The following EIPR1 variants were observed in gnomAD, a reference collection of about 807,000 sequenced individuals.
EIPR1 encodes the protein EARP and GARP complex-interacting protein 1.
A neutral mutation model predicts 48.1 loss-of-function variants in EIPR1; 25 were observed. That is an observed-to-expected ratio of 0.52 (90% confidence interval 0.38 to 0.73). EIPR1 has a LOEUF of 0.73. EIPR1 is among the 30% of genes least tolerant of loss of function. The probability of loss-of-function intolerance (pLI) is 0.00; values close to 1 mark genes in which losing one functional copy is unlikely to be tolerated. For missense variants in EIPR1, 415 were observed against 506.2 expected (o/e 0.82, Z 1.73); for synonymous variants, 204 against 201.9 (o/e 1.01, Z -0.09).
intron 8 of EIPR1, among the ~76,000 whole-genome samples, chr2:3,190,212 G>C (rs1331561869): frequency 6.6e-6 from 1 of 152,230 alleles, no homozygotes; most frequent in Non-Finnish European, 1.5e-5. Flanking sequence ...GCGTGCATGG[G>C]GAGGGGGCCC....
intron 3 of EIPR1, among the ~76,000 whole-genome samples, chr2:3,261,224 T>C (rs895079079): frequency 7.3e-5 from 11 of 150,640 alleles, no homozygotes; most frequent in Non-Finnish European, 1.6e-4. Flanking sequence ...GTTAATAGAG[T>C]TGGTATTCCT....
intron 3 of EIPR1, among the ~76,000 whole-genome samples, chr2:3,262,842 C>G (rs540359552): frequency 7.9e-5 from 12 of 152,324 alleles, no homozygotes; most frequent in Non-Finnish European, 1.2e-4. Flanking sequence ...GAGAAGAGCT[C>G]AGTCATACCC....
At chr2:3,305,634 G>T (rs1668919974) in intron 3 of EIPR1, among the ~76,000 whole-genome samples, 1 of 152,216 alleles carries the variant, frequency 6.6e-6, no homozygotes, top group South Asian at 2.1e-4. Flanking sequence ...CAACCCTGGG[G>T]AGGAGCAGGT....
At chr2:3,339,560 T>C (rs949334431) in intron 2 of EIPR1, among the ~76,000 whole-genome samples, 1 of 152,118 alleles carries the variant, frequency 6.6e-6, no homozygotes, top group Non-Finnish European at 1.5e-5. Context: ...GGTGACTGGA[T>C]CATGGGGGAT....
chr2:3,353,364 A>G (rs1408921905), intron 2 of EIPR1: 2 of 466,018 alleles, frequency 4.3e-6, no homozygotes, highest in South Asian at 3.1e-5. Flanking sequence ...TTTTTACACC[A>G]CGTTGATCAT....
intron 1 of EIPR1, among the ~76,000 whole-genome samples, chr2:3,360,686 C>T (rs1390225377): frequency 6.6e-6 from 1 of 152,180 alleles, no homozygotes; most frequent in African/African-American, 2.4e-5. Context: ...AAGTGGTTTC[C>T]AGAAACAGGT....
chr2:3,263,272 C>T (rs919445446), intron 3 of EIPR1, among the ~76,000 whole-genome samples: 17 of 152,156 alleles, frequency 1.1e-4, no homozygotes, highest in African/African-American at 4.1e-4. Context: ...AGGGCATGGC[C>T]AACTGCCTGG....
At chr2:3,373,875 C>A (rs1017877360) in intron 1 of EIPR1, among the ~76,000 whole-genome samples, 12 of 151,998 alleles carry the variant, frequency 7.9e-5, no homozygotes, top group African/African-American at 2.9e-4. Flanking sequence ...TTAGAAAAAA[C>A]TACTTTAAAG....
rs1371451809 is a variant in EIPR1 at position 3,331,992 on chromosome 2, TCA to T, written c.259+6023_259+6024del. Among the ~76,000 whole-genome samples, 15 of 3,110 alleles carry T rather than the reference TCA, an allele frequency of 4.8e-3. 2 individuals carry two copies. The highest frequency in any genetic ancestry group is 0.02 in the African/African-American group (14 of 714). The allele number at this position is 3,110 out of a possible 152,430, so 2.0% of individuals were successfully genotyped here. On this transcript the variant is annotated intron_variant, in intron 3 of 8. Transcript: ENST00000382125. ...GTGTGTATACACTCATGAGATGGTG[TCA>T]GCAGAGGCAGGTGTGTATACACTCA...
intron 5 of EIPR1, among the ~76,000 whole-genome samples, chr2:3,210,116 G>A (rs1255103950): frequency 6.6e-6 from 1 of 151,882 alleles, no homozygotes; most frequent in African/African-American, 2.4e-5. Flanking sequence ...GAGGGAGGCT[G>A]TGGGAAATCT....
chr2:3,311,827 G>C (rs1374918999), intron 3 of EIPR1, among the ~76,000 whole-genome samples: 1 of 152,006 alleles, frequency 6.6e-6, no homozygotes, highest in East Asian at 1.9e-4. Context: ...CTCTACTCTG[G>C]GGCACCAGAG....
chr2:3,281,025 T>C (rs1245168173), intron 3 of EIPR1, among the ~76,000 whole-genome samples: 1 of 152,090 alleles, frequency 6.6e-6, no homozygotes, highest in Non-Finnish European at 1.5e-5. Flanking sequence ...TACGTGGTCC[T>C]CTAGGAGAAC....
At chr2:3,284,361 G>A (rs1305259145) in intron 3 of EIPR1, among the ~76,000 whole-genome samples, 5 of 125,598 alleles carry the variant, frequency 4.0e-5, no homozygotes, top group African/African-American at 6.3e-5. Context: ...GCCGGAGGCC[G>A]CCCACAGGCA....
At chr2:3,278,029 C>T (rs1012613458) in intron 3 of EIPR1, among the ~76,000 whole-genome samples, 3 of 152,218 alleles carry the variant, frequency 2.0e-5, no homozygotes, top group African/African-American at 7.2e-5. Context: ...AGGCCTCCCT[C>T]ACTAGGGAAC....
chr2:3,191,681 C>T (rs1664611093), intron 8 of EIPR1, among the ~76,000 whole-genome samples: 1 of 152,182 alleles, frequency 6.6e-6, no homozygotes, highest in Non-Finnish European at 1.5e-5. Flanking sequence ...AGTCACCCCC[C>T]AGGAAGCGGC....
chr2:3,348,907 C>G lies in EIPR1; in HGVS notation c.126+5643G>C, dbSNP rs1670483447. On this transcript the variant is annotated intron_variant, in intron 2 of 8. Transcript: ENST00000382125. Reference sequence around the variant, plus strand: ...GCAGGGGCAGGGCTGCAGTCCACAGCCAGTGGAGCCTTCCCGGCGTCTCTC... The same window carrying G: ...GCAGGGGCAGGGCTGCAGTCCACAGGCAGTGGAGCCTTCCCGGCGTCTCTC... 2.6e-5 allele frequency among the ~76,000 whole-genome samples: 4 copies of G among 152,220 alleles called. No individual in the cohort carries two copies. The South Asian group carries it at 8.3e-4, about 32-fold the overall frequency.
intron 3 of EIPR1, among the ~76,000 whole-genome samples, chr2:3,266,716 C>T (rs925355614): frequency 3.9e-5 from 6 of 152,158 alleles, no homozygotes; most frequent in African/African-American, 1.4e-4. Flanking sequence ...GCTCGCTGGC[C>T]GTGAGCTCCA....
At chr2:3,208,907 G>A (rs1416987999) in intron 5 of EIPR1, 1 of 1,546,932 alleles carries the variant, frequency 6.5e-7, no homozygotes, top group East Asian at 2.4e-5. Flanking sequence ...TGGGAATGAT[G>A]GCACACACAG....
chr2:3,352,730 C>T (rs1260556645), intron 2 of EIPR1, among the ~76,000 whole-genome samples: 1 of 152,378 alleles, frequency 6.6e-6, no homozygotes, highest in Admixed American at 6.5e-5. Flanking sequence ...GGCGCAGTGG[C>T]TCACGCCTGT....
Sources: gnomAD v4.1 joint callset for allele counts (sites outside exome capture counted in the v4.1 genomes callset) on GRCh38, gnomAD v4.1.1 for gene constraint, MANE v1.5 for transcripts, NCBI Gene and HGNC (gene_info 2026-07-23, HGNC 2026-07-21) for gene names.